Variants in CORO2B observed in about 807,000 individuals in gnomAD.
CORO2B encodes coronin-2B.
A neutral mutation model predicts 58.8 loss-of-function variants in CORO2B; 26 were observed. The observed-to-expected ratio is 0.44, with a 90% CI of 0.32 to 0.61. The LOEUF is 0.61. CORO2B is among the 20% of genes least tolerant of loss of function. The pLI is 0.04. For missense variants in CORO2B, 460 were observed against 645.1 expected, an observed-to-expected ratio of 0.71 and a Z score of 3.11; for synonymous variants, 242 against 253.8, an observed-to-expected ratio of 0.95 and a Z score of 0.44.
At chr15:68,607,122 C>A (rs1900143589) in intron 1 of CORO2B, among the ~76,000 whole-genome samples, 1 of 152,190 alleles carries the variant, frequency 6.6e-6, no homozygotes, top group South Asian at 2.1e-4. Context: ...TTTTGTGGGC[C>A]AGGCACAGAG....
At chr15:68,638,630 G>A (rs1027544154) in intron 1 of CORO2B, among the ~76,000 whole-genome samples, 1 of 152,190 alleles carries the variant, frequency 6.6e-6, no homozygotes, top group Admixed American at 6.5e-5. Flanking sequence ...GCTGAAGGAG[G>A]AGAAGATATG....
intron 3 of CORO2B, among the ~76,000 whole-genome samples, chr15:68,704,744 G>A (rs942069305): frequency 1.3e-5 from 2 of 152,018 alleles, no homozygotes; most frequent in Non-Finnish European, 2.9e-5. Context: ...ATGTTCTGTT[G>A]GGTTGAACAT....
the CORO2B span, among the ~76,000 whole-genome samples, chr15:68,529,758 C>CT: frequency 8.5e-4 from 129 of 152,224 alleles, no homozygotes; most frequent in African/African-American, 3.0e-3. Context: ...TGATAAAAAC[C>CT]TTTTTCCATT....
In CORO2B at chr15:68,718,714, C is replaced by T. The variant is rs3751554; in HGVS notation, c.984C>T (p.His328=). ...PQKGLGVMPK[H]GLDVSACEVF... is the part of the protein sequence containing the mutation. Reference sequence around the variant, plus strand: ...CTGTTACAGGGGTCATGCCCAAGCACGGGCTGGATGTGTCAGCCTGCGAGG... The same window carrying T: ...CTGTTACAGGGGTCATGCCCAAGCATGGGCTGGATGTGTCAGCCTGCGAGG... Residue 328 remains histidine (H), a synonymous_variant, in exon 9 of 12, where the codon CAC becomes CAT. Coordinates refer to ENST00000261861, the MANE Select transcript of CORO2B (RefSeq NM_006091.5). 412 of 1,614,020 alleles carry T rather than the reference C, an allele frequency of 2.6e-4. 1 individual carries two copies. The highest frequency in any genetic ancestry group is 4.7e-4 in the African/African-American group (35 of 74,940).
chr15:68,627,561 G>A (rs1900718039), intron 1 of CORO2B, among the ~76,000 whole-genome samples: 1 of 152,184 alleles, frequency 6.6e-6, no homozygotes. Context: ...ACAATAAGGA[G>A]AGCCCGGCTA....
chr15:68,668,876 C>T (rs1405002986), intron 2 of CORO2B, among the ~76,000 whole-genome samples: 1 of 152,114 alleles, frequency 6.6e-6, no homozygotes, highest in Non-Finnish European at 1.5e-5. Flanking sequence ...GTCAGGAGTT[C>T]GAGACTAGCC....
upstream of CORO2B, among the ~76,000 whole-genome samples, chr15:68,576,152 C>CAAAAAAAAAAAAAAAAAAAAAAAAAAA (rs3985627): frequency 1.6e-5 from 1 of 62,188 alleles, no homozygotes; most frequent in African/African-American, 6.4e-5. Context: ...GACTACGTCG[C>CAAAAAAAAAAAAAAAAAAAAAAAAAAA]AAAAAAAAAA....
chr15:68,606,852 C>A (rs562645303), intron 1 of CORO2B, among the ~76,000 whole-genome samples: 1 of 152,206 alleles, frequency 6.6e-6, no homozygotes, highest in Admixed American at 6.5e-5. Flanking sequence ...GAAGACATTA[C>A]GGGACCCCTG....
chr15:68,583,634 T>C (rs1322006126), intron 1 of CORO2B, among the ~76,000 whole-genome samples: 2 of 152,130 alleles, frequency 1.3e-5, no homozygotes, highest in African/African-American at 4.8e-5. Context: ...GCAAAGTCCA[T>C]AGGAGCCTTG....
At chr15:68,709,830 T>A (rs1188583806) in intron 3 of CORO2B, among the ~76,000 whole-genome samples, 1 of 152,184 alleles carries the variant, frequency 6.6e-6, no homozygotes, top group Non-Finnish European at 1.5e-5. Context: ...TAAACTGTTA[T>A]ACCATTGTGT....
At chr15:68,608,739 C>T (rs925370384) in intron 1 of CORO2B, among the ~76,000 whole-genome samples, 5 of 152,190 alleles carry the variant, frequency 3.3e-5, no homozygotes, top group East Asian at 1.9e-4. Context: ...TTCTCCACCC[C>T]TCCCCTGCCC....
the CORO2B span, among the ~76,000 whole-genome samples, chr15:68,562,115 G>T: frequency 6.6e-6 from 1 of 152,204 alleles, no homozygotes; most frequent in Admixed American, 6.5e-5. Flanking sequence ...CCCTTCCCAT[G>T]CCTCCATGGC....
chr15:68,599,483 C>T (rs745802535), intron 1 of CORO2B, among the ~76,000 whole-genome samples: 4 of 152,196 alleles, frequency 2.6e-5, no homozygotes, highest in Non-Finnish European at 4.4e-5. Flanking sequence ...TAGCTTCAGC[C>T]ATATAAGATG....
chr15:68,691,806 C>T (rs1892385771), intron 2 of CORO2B, among the ~76,000 whole-genome samples: 1 of 151,986 alleles, frequency 6.6e-6, no homozygotes, highest in African/African-American at 2.4e-5. Flanking sequence ...CCTAACCTGC[C>T]CCTCCAGTGT....
intron 3 of CORO2B, among the ~76,000 whole-genome samples, chr15:68,700,229 G>A (rs1293581405): frequency 6.6e-6 from 1 of 152,218 alleles, no homozygotes; most frequent in Non-Finnish European, 1.5e-5. Flanking sequence ...CAAAGCTGCT[G>A]TGTGTGCCAG....
In CORO2B at chr15:68,725,970, G is replaced by A. The variant is rs140276049; in HGVS notation, c.1439G>A (p.Cys480Tyr). 3.1e-4 allele frequency: 494 copies of A among 1,613,508 alleles called. 2 individuals are homozygous for A. In the African/African-American group the frequency reaches 5.3e-3, roughly 17 times the overall value. Reference protein sequence around the residue: ...LKNLRNSPKNC With the variant: ...LKNLRNSPKNY ...AACTTGCGCAACAGCCCCAAGAACT[G>A]TTAGCTCCCCAGCTGGGCTGTTTTC... Residue 480 changes from cysteine to tyrosine, a missense_variant, in exon 12 of 12, where the codon TGT becomes TAT. This residue lies in a region of CORO2B where 108 missense variants were observed against 102.1 expected (regional missense o/e 1.06). Coordinates refer to ENST00000261861, the MANE Select transcript of CORO2B (RefSeq NM_006091.5).
chr15:68,663,538 C>G (rs980998200), intron 2 of CORO2B, among the ~76,000 whole-genome samples: 1 of 152,142 alleles, frequency 6.6e-6, no homozygotes, highest in Non-Finnish European at 1.5e-5. Context: ...GTTTTCTTAA[C>G]AGGACACAGA....
intron 4 of CORO2B, among the ~76,000 whole-genome samples, 189 bp from the exon 5 acceptor site, chr15:68,711,353 T>C (rs1003071984): frequency 6.6e-6 from 1 of 152,148 alleles, no homozygotes; most frequent in Non-Finnish European, 1.5e-5. Context: ...ACCAAGGATA[T>C]TGATGGATTT....
chr15:68,718,670 C>T, intron 8 of CORO2B, 28 bp from the exon 9 acceptor site: 1 of 1,584,218 alleles, frequency 6.3e-7, no homozygotes, highest in Non-Finnish European at 8.7e-7. Context: ...TCTGGGACCC[C>T]ATGGAGCCAC....
Sources: allele counts gnomAD v4.1 joint callset (sites outside exome capture counted in the v4.1 genomes callset), GRCh38; gene constraint gnomAD v4.1.1; regional missense constraint gnomAD v4.1.1; transcripts MANE v1.5; gene names NCBI Gene and HGNC (gene_info 2026-07-23, HGNC 2026-07-21).